CEP72: variants seen among roughly 807,000 people sequenced by gnomAD.
CEP72 encodes centrosomal protein 72.
CEP72 carries 78 observed loss-of-function variants against 65.7 expected under a neutral mutation model. The observed-to-expected ratio is 1.19, with a 90% CI of 0.99 to 1.43. The LOEUF (loss-of-function observed/expected upper bound fraction) is 1.43, where lower values mean the gene tolerates loss of function less well. CEP72 is among the 40% of genes most tolerant of loss of function. CEP72 has a pLI of 0.00. For synonymous variants in CEP72, 358 were observed against 351.7 expected (o/e 1.02, Z -0.20); for missense variants, 914 against 832.9 (o/e 1.10, Z -1.20).
chr5:638,811 G>A (rs1483726931), intron 7 of CEP72, among the ~76,000 whole-genome samples: 1 of 152,120 alleles, frequency 6.6e-6, no homozygotes, highest in Non-Finnish European at 1.5e-5. Context: ...CCCTGTCTGG[G>A]TTGAGGGGAG....
intron 9 of CEP72, chr5:641,585 C>T (rs914474993): frequency 9.1e-6 from 9 of 985,056 alleles, no homozygotes; most frequent in South Asian, 9.4e-5. Flanking sequence ...CCCCCCACCC[C>T]GCCTGGAAGC....
At position 624,212 on chromosome 5, in the gene CEP72, G is replaced by A. The variant is rs1015254393; in HGVS notation, c.404-259G>A. 2.0e-5 allele frequency among the ~76,000 whole-genome samples: 3 copies of A among 152,006 alleles called. No individual in the cohort carries two copies. Among genetic ancestry groups the A allele is most frequent in the African/African-American group, 7.2e-5 (3 of 41,400 alleles). On this transcript the variant is annotated intron_variant, in intron 3 of 11. Coordinates refer to ENST00000264935, the MANE Select transcript of CEP72 (RefSeq NM_018140.4). The surrounding 1 kb of genome is among the most constrained non-coding windows in gnomAD (Gnocchi z 4.7). Reference sequence around the variant, plus strand: ...TGTGCACTTTAGAGAAAGGGTGTGCGTGTGTGTGTGTGAGCCTCATCTGTG... The same window carrying A: ...TGTGCACTTTAGAGAAAGGGTGTGCATGTGTGTGTGTGAGCCTCATCTGTG...
At chr5:636,952 C>T in intron 6 of CEP72, among the ~76,000 whole-genome samples, 1 of 152,116 alleles carries the variant, frequency 6.6e-6, no homozygotes. Context: ...GATGGGTCAT[C>T]TTGAGTTGAG....
intron 10 of CEP72, among the ~76,000 whole-genome samples, chr5:646,049 C>A (rs1284334877): frequency 6.6e-6 from 1 of 151,396 alleles, no homozygotes; most frequent in African/African-American, 2.4e-5. Context: ...ACAGTGAATT[C>A]GGCTTCGTTA....
chr5:667,382 G>C (rs1580074628), downstream of CEP72, among the ~76,000 whole-genome samples: 1 of 152,182 alleles, frequency 6.6e-6, no homozygotes, highest in South Asian at 2.1e-4. Context: ...AAATTAAAAT[G>C]CACTTTGGTC....
At chr5:664,858 A>C in intron 2 of CEP72, 1 of 530,734 alleles carries the variant, frequency 1.9e-6, no homozygotes, top group East Asian at 3.1e-5. Flanking sequence ...GAAATGGCTG[A>C]GGACGAGGCA....
chr5:622,263 T>C (rs1164519767), intron 3 of CEP72, among the ~76,000 whole-genome samples: 1 of 152,252 alleles, frequency 6.6e-6, no homozygotes, highest in East Asian at 1.9e-4. Flanking sequence ...TGACCATTTT[T>C]CAGTAACTAA....
intron 9 of CEP72, chr5:642,528 G>C (rs539781512): frequency 1.0e-6 from 1 of 985,516 alleles, no homozygotes; most frequent in South Asian, 4.7e-5. Flanking sequence ...ACGAGACAGA[G>C]CTGACAGGCG....
At chr5:627,960 C>T (rs1044424341) in intron 4 of CEP72, among the ~76,000 whole-genome samples, 1 of 152,234 alleles carries the variant, frequency 6.6e-6, no homozygotes, top group Non-Finnish European at 1.5e-5. Flanking sequence ...ATGCACTTTC[C>T]TGCTTTCTCA....
At chr5:660,763 A>G (rs1366616370), downstream of CEP72, 1 of 152,408 alleles carries the variant, frequency 6.6e-6, no homozygotes, top group Middle Eastern at 3.1e-3. Flanking sequence ...CATTCACAAA[A>G]GCAGGCGGCC....
intron 4 of CEP72, among the ~76,000 whole-genome samples, chr5:632,212 C>T (rs1407227710): frequency 4.4e-5 from 3 of 68,260 alleles, no homozygotes. Flanking sequence ...GGGGTTCTGT[C>T]CAGTGTCGGG....
Position 619,122 on chromosome 5 carries a change from G to C in CEP72, c.210+5G>C. The C allele has an allele frequency of 2.5e-6, 4 of 1,606,044 alleles. No homozygotes were observed. Among genetic ancestry groups the C allele is most frequent in the Non-Finnish European group, 3.4e-6 (4 of 1,174,532 alleles). On this transcript the variant is annotated splice_donor_5th_base_variant and intron_variant, in intron 2 of 11. Transcript: ENST00000264935. ...AACTCCTTGGTTAGTCTGGAGGTAA[G>C]TTTTAGGTCTCTTTCTTAAAATTTA... is the stretch of plus-strand genomic sequence containing the variant.
At chr5:625,842 G>C (rs543746090) in intron 4 of CEP72, among the ~76,000 whole-genome samples, 1 of 152,246 alleles carries the variant, frequency 6.6e-6, no homozygotes, top group East Asian at 1.9e-4. Flanking sequence ...GTCTTCCCCT[G>C]TGTCTCTTCA....
At chr5:669,135 C>T (rs1348178269), downstream of CEP72, among the ~76,000 whole-genome samples, 1 of 152,230 alleles carries the variant, frequency 6.6e-6, no homozygotes, top group Admixed American at 6.5e-5. Context: ...GAGCGGAGGC[C>T]TCGCTGTGTC....
At chr5:629,555 G>A (rs6896342) in intron 4 of CEP72, among the ~76,000 whole-genome samples, 1 of 119,046 alleles carries the variant, frequency 8.4e-6, no homozygotes, top group African/African-American at 3.5e-5. Flanking sequence ...TCCTGGTGGG[G>A]TTCTGTCCAG....
At chr5:672,336 G>A in the CEP72 span, among the ~76,000 whole-genome samples, 3 of 152,226 alleles carry the variant, frequency 2.0e-5, no homozygotes, top group Non-Finnish European at 4.4e-5. Flanking sequence ...CCAGGTATCA[G>A]TCTAACCCCC....
chr5:622,559 G>T (rs1340830028), intron 3 of CEP72, among the ~76,000 whole-genome samples: 1 of 152,264 alleles, frequency 6.6e-6, no homozygotes, highest in Non-Finnish European at 1.5e-5. Context: ...GCAAGTGCTG[G>T]GCCCTGGACA....
chr5:619,357 C>T (rs1448287614), intron 2 of CEP72, among the ~76,000 whole-genome samples: 1 of 152,186 alleles, frequency 6.6e-6, no homozygotes, highest in Non-Finnish European at 1.5e-5. Context: ...ACCCCAGAGA[C>T]TTACTGAGTG....
intron 2 of CEP72, 39 bp from the exon 3 acceptor site, chr5:620,030 T>G (rs1736279725): frequency 2.6e-6 from 4 of 1,551,234 alleles, no homozygotes; most frequent in African/African-American, 2.7e-5. Context: ...TATTTCTTGT[T>G]TAAAGTGTGA....
Sources: gnomAD v4.1 joint callset for allele counts (sites outside exome capture counted in the v4.1 genomes callset) on GRCh38, gnomAD v4.1.1 for gene constraint, Gnocchi (gnomAD v3.1) non-coding constraint, MANE v1.5 for transcripts, NCBI Gene and HGNC (gene_info 2026-07-23, HGNC 2026-07-21) for gene names.